The following RPRD1B variants were observed in gnomAD, a reference collection of about 807,000 sequenced individuals.
RPRD1B encodes regulation of nuclear pre-mRNA domain-containing protein 1B.
Under a neutral mutation model 41.5 loss-of-function variants are expected in RPRD1B, and 11 were observed. That is an observed-to-expected ratio of 0.27 (90% confidence interval 0.17 to 0.44). The LOEUF is 0.44. Among genes scored for constraint, RPRD1B ranks in the 20% least tolerant of loss-of-function variants. The pLI is 1.00. For missense variants in RPRD1B, 248 were observed against 389.9 expected (o/e 0.64, Z 3.06); for synonymous variants, 158 against 155.6 (o/e 1.02, Z -0.12).
At chr20:38,066,545 A>T (rs981308551) in intron 6 of RPRD1B, among the ~76,000 whole-genome samples, 1 of 152,266 alleles carries the variant, frequency 6.6e-6, no homozygotes, top group Non-Finnish European at 1.5e-5. Flanking sequence ...TGTTTTTAAA[A>T]AAATTACGAA....
chr20:38,089,604 G>T (rs775537436), intron 6 of RPRD1B, 122 bp from the exon 7 acceptor site: 5 of 746,638 alleles, frequency 6.7e-6, no homozygotes, highest in East Asian at 2.5e-5. Flanking sequence ...AGCTGAACAG[G>T]GTGGGCAGGC....
intron 6 of RPRD1B, among the ~76,000 whole-genome samples, chr20:38,088,930 AAG>A (rs1213616528): frequency 6.6e-6 from 1 of 152,126 alleles, no homozygotes; most frequent in Non-Finnish European, 1.5e-5. Context: ...GGGCTAGGAG[AAG>A]AGAGAGACCC....
intron 6 of RPRD1B, among the ~76,000 whole-genome samples, chr20:38,071,987 T>C (rs187149614): frequency 2.0e-5 from 3 of 152,314 alleles, no homozygotes; most frequent in African/African-American, 7.2e-5. Context: ...TTCTAGGTAA[T>C]ATCCTTTGAT....
At chr20:38,057,342 T>C (rs1410077983) in intron 3 of RPRD1B, among the ~76,000 whole-genome samples, 190 bp from the exon 4 acceptor site, 1 of 152,224 alleles carries the variant, frequency 6.6e-6, no homozygotes, top group Non-Finnish European at 1.5e-5. Flanking sequence ...GACAAAGACC[T>C]GTTTGACTCT....
chr20:38,083,151 TA>T (rs1481693532), intron 6 of RPRD1B, among the ~76,000 whole-genome samples: 1 of 152,200 alleles, frequency 6.6e-6, no homozygotes, highest in Non-Finnish European at 1.5e-5. Flanking sequence ...TTAAAGAAGC[TA>T]GTTTGTGGGG....
Position 38,091,100 on chromosome 20 carries a change from C to G in RPRD1B, c.*1225C>G. On this transcript the variant is annotated 3_prime_UTR_variant, in exon 7 of 7. Transcript: ENST00000373433. ...TATCTTGCTTATAGTAAAGGTTCAG[C>G]CTGCCAATTGTAAATCATTCTAATT... 1.0e-6 allele frequency: 1 copy of G among 985,778 alleles called. No homozygotes were observed. Among genetic ancestry groups the G allele is most frequent in the African/African-American group, 1.7e-5 (1 of 57,326 alleles). The allele number at this position is 985,778 out of a possible 1,614,324, so 61.1% of individuals were successfully genotyped here. A position where few individuals can be genotyped will look rare whatever the true frequency, so the allele number is the denominator to read the frequency against.
rs567237475 is a variant in RPRD1B at position 38,045,375 on chromosome 20, C to T, written c.282-2973C>T. Among the ~76,000 whole-genome samples, 100 of 152,260 alleles carry T rather than the reference C, an allele frequency of 6.6e-4. 1 individual carries two copies. The highest frequency in any genetic ancestry group is 2.1e-3 in the African/African-American group (86 of 41,550). ...CCAGATGCCAAAGTGACTTCCATTTCGCTGGAGCTACTTCCTTCAAAACCT... is the reference window on the plus strand; with the variant it reads ...CCAGATGCCAAAGTGACTTCCATTTTGCTGGAGCTACTTCCTTCAAAACCT... On this transcript the variant is annotated intron_variant, in intron 2 of 6. Transcript: ENST00000373433.
chr20:38,068,459 C>T (rs764117583), intron 6 of RPRD1B, among the ~76,000 whole-genome samples: 1 of 152,188 alleles, frequency 6.6e-6, no homozygotes, highest in Non-Finnish European at 1.5e-5. Context: ...GTGACGTGAT[C>T]TCAGCTCACT....
intron 3 of RPRD1B, among the ~76,000 whole-genome samples, chr20:38,052,290 A>G (rs2074193263): frequency 6.6e-6 from 1 of 152,184 alleles, no homozygotes; most frequent in Non-Finnish European, 1.5e-5. Context: ...TCGCAAAAGT[A>G]AGAAGAGGTT....
chr20:38,071,920 T>C (rs2074416786), intron 6 of RPRD1B, among the ~76,000 whole-genome samples: 1 of 152,244 alleles, frequency 6.6e-6, no homozygotes, highest in Admixed American at 6.5e-5. Flanking sequence ...GTGGATAATA[T>C]ACCTTTATCA....
intron 3 of RPRD1B, among the ~76,000 whole-genome samples, chr20:38,053,695 A>G (rs950577439): frequency 1.5e-4 from 23 of 152,234 alleles, no homozygotes; most frequent in Admixed American, 5.2e-4. Flanking sequence ...ATTTAATAAC[A>G]GAATACAGTC....
intron 3 of RPRD1B, among the ~76,000 whole-genome samples, chr20:38,051,689 G>A (rs1027052205): frequency 1.3e-5 from 2 of 152,204 alleles, no homozygotes; most frequent in African/African-American, 4.8e-5. Context: ...TTGTGAGTAG[G>A]TTACCCAGCT....
At chr20:38,057,443 CT>C in intron 3 of RPRD1B, 88 bp from the exon 4 acceptor site, 1 of 844,098 alleles carries the variant, frequency 1.2e-6, no homozygotes, top group Non-Finnish European at 2.0e-6. Context: ...CCCTTCTGCC[CT>C]GTTTTTACAT....
chr20:38,034,732 T>G (rs1033654480), intron 1 of RPRD1B, among the ~76,000 whole-genome samples: 1 of 152,168 alleles, frequency 6.6e-6, no homozygotes, highest in Non-Finnish European at 1.5e-5. Flanking sequence ...ACCTCTCCTC[T>G]CCTCTCCTCT....
At chr20:38,067,670 T>C (rs2074370925) in intron 6 of RPRD1B, among the ~76,000 whole-genome samples, 1 of 152,224 alleles carries the variant, frequency 6.6e-6, no homozygotes, top group African/African-American at 2.4e-5. Flanking sequence ...ATGTGGAAGA[T>C]GGGAAAGGGC....
intron 1 of RPRD1B, among the ~76,000 whole-genome samples, chr20:38,035,035 G>A (rs2073984495): frequency 1.3e-5 from 2 of 152,206 alleles, no homozygotes; most frequent in African/African-American, 4.8e-5. Flanking sequence ...AATTCTCGGA[G>A]CCCTATGAAG....
intron 6 of RPRD1B, among the ~76,000 whole-genome samples, chr20:38,077,453 G>C (rs139357205): frequency 6.6e-6 from 1 of 151,982 alleles, no homozygotes; most frequent in Non-Finnish European, 1.5e-5. Flanking sequence ...ATCAAAATCA[G>C]ACACTAGGCC....
intron 6 of RPRD1B, among the ~76,000 whole-genome samples, chr20:38,073,846 C>T (rs1270771253): frequency 6.6e-6 from 1 of 152,178 alleles, no homozygotes; most frequent in East Asian, 1.9e-4. Flanking sequence ...GTACCTGGAT[C>T]TTCTGACTCC....
chr20:38,068,067 T>C (rs932276113), intron 6 of RPRD1B, among the ~76,000 whole-genome samples: 2 of 152,194 alleles, frequency 1.3e-5, no homozygotes, highest in African/African-American at 2.4e-5. Flanking sequence ...CTCTGTATAT[T>C]GTTGGGGAAT....
Sources: gnomAD v4.1 joint callset for allele counts (sites outside exome capture counted in the v4.1 genomes callset) on GRCh38, gnomAD v4.1.1 for gene constraint, MANE v1.5 for transcripts, NCBI Gene and HGNC (gene_info 2026-07-23, HGNC 2026-07-21) for gene names.